The following ADAMTSL1 variants were observed in gnomAD, a reference collection of about 807,000 sequenced individuals.
The protein encoded by ADAMTSL1 is ADAMTS like 1.
In ADAMTSL1, 126 loss-of-function variants were observed where a neutral mutation model predicts 201.8. The observed-to-expected ratio is 0.62, with a 90% CI of 0.54 to 0.72. The LOEUF (loss-of-function observed/expected upper bound fraction) is 0.72. ADAMTSL1 is among the 30% of genes least tolerant of loss of function. ADAMTSL1 has a pLI of 0.00. For synonymous variants in ADAMTSL1, 1,121 were observed against 903.4 expected, an observed-to-expected ratio of 1.24 and a Z score of -4.32; for missense variants, 2,679 against 2,277.8, an observed-to-expected ratio of 1.18 and a Z score of -3.59.
chr9:18,489,995 A>G (rs570314860), intron 1 of ADAMTSL1, among the ~76,000 whole-genome samples: 3 of 152,216 alleles, frequency 2.0e-5, no homozygotes, highest in Non-Finnish European at 4.4e-5. Context: ...TGAAAACTGT[A>G]AAACCTTAGT....
At chr9:18,053,754 A>G (rs1390918532) in intron 1 of ADAMTSL1, among the ~76,000 whole-genome samples, 1 of 152,218 alleles carries the variant, frequency 6.6e-6, no homozygotes, top group Non-Finnish European at 1.5e-5. Context: ...CTCCGAGTTT[A>G]CTGAGCACTC....
At chr9:18,449,397 G>T (rs1398159246) in intron 2 of ADAMTSL1, among the ~76,000 whole-genome samples, 1 of 151,854 alleles carries the variant, frequency 6.6e-6, no homozygotes, top group Non-Finnish European at 1.5e-5. Context: ...TTTCTTTCTG[G>T]AATGTATAAT....
rs910772495 is a variant in ADAMTSL1, at chr9:18,579,627, A to G, written c.474+5361A>G. ...TAGAGCCTTTCTGAGTACATGATTT[A>G]ATATGGGTACACATACGAAAGGGGC... On this transcript the variant is annotated intron_variant, in intron 4 of 28. Coordinates refer to ENST00000380548, the MANE Select transcript of ADAMTSL1 (RefSeq NM_001040272.6). Among the ~76,000 whole-genome samples the G allele has an allele frequency of 4.6e-5, 7 of 152,292 alleles. No individual in the cohort carries two copies. In the South Asian group the frequency reaches 1.5e-3, roughly 32 times the overall value.
At chr9:18,205,310 A>G (rs1287944348) in intron 2 of ADAMTSL1, among the ~76,000 whole-genome samples, 1 of 152,186 alleles carries the variant, frequency 6.6e-6, no homozygotes, top group Admixed American at 6.5e-5. Flanking sequence ...AAGAGAAGAG[A>G]AGATCTAAGA....
At chr9:18,423,164 C>A (rs1210170215) in intron 2 of ADAMTSL1, among the ~76,000 whole-genome samples, 1 of 152,172 alleles carries the variant, frequency 6.6e-6, no homozygotes, top group South Asian at 2.1e-4. Context: ...AGGAACTAAC[C>A]TGGCTCTGAG....
chr9:18,245,465 A>AT (rs1831226013), intron 2 of ADAMTSL1, among the ~76,000 whole-genome samples: 1 of 152,122 alleles, frequency 6.6e-6, no homozygotes. Flanking sequence ...CTTACTGGGC[A>AT]TTGCAGGTCT....
chr9:18,566,226 C>T lies in ADAMTSL1; in HGVS notation c.238-7804C>T, dbSNP rs181618620. Among the ~76,000 whole-genome samples, 21 of 152,244 alleles carry T rather than the reference C, an allele frequency of 1.4e-4. 1 individual carries two copies. Among genetic ancestry groups the T allele is most frequent in the Admixed American group, 1.2e-3 (18 of 15,290 alleles). The stretch of plus-strand genomic sequence containing the variant: ...CAAATTCCTGCAAGACTTATGAAAG[C>T]AGCACTGGAGTTCCCACAATAAAAA... On this transcript the variant is annotated intron_variant, in intron 3 of 28. Transcript: ENST00000380548.
chr9:17,956,404 G>A (rs555210241), intron 1 of ADAMTSL1, among the ~76,000 whole-genome samples: 1 of 152,252 alleles, frequency 6.6e-6, no homozygotes, highest in Non-Finnish European at 1.5e-5. Context: ...CGGCAATATT[G>A]TTGGCAGTGT....
intron 2 of ADAMTSL1, among the ~76,000 whole-genome samples, chr9:18,275,823 T>C (rs945885389): frequency 6.6e-6 from 1 of 152,140 alleles, no homozygotes; most frequent in Non-Finnish European, 1.5e-5. Flanking sequence ...TATTACATAC[T>C]TGTGTGCAGG....
chr9:18,179,830 G>A (rs1321156619), intron 2 of ADAMTSL1, among the ~76,000 whole-genome samples: 2 of 152,000 alleles, frequency 1.3e-5, no homozygotes, highest in Non-Finnish European at 2.9e-5. Flanking sequence ...AATGCTGAGA[G>A]ATTTTGTCAC....
chr9:18,359,831 C>G (rs1836431399), intron 2 of ADAMTSL1, among the ~76,000 whole-genome samples: 1 of 116,218 alleles, frequency 8.6e-6, no homozygotes, highest in African/African-American at 3.2e-5. Context: ...CCACCCGCCC[C>G]CCCGCCCACA....
chr9:18,143,195 A>C (rs567147699), intron 1 of ADAMTSL1, among the ~76,000 whole-genome samples: 1 of 152,270 alleles, frequency 6.6e-6, no homozygotes, highest in East Asian at 1.9e-4. Context: ...GCCAGAGGAC[A>C]CACTCATTTT....
At chr9:18,884,135 T>A (rs1428533081) in intron 23 of ADAMTSL1, among the ~76,000 whole-genome samples, 2 of 152,206 alleles carry the variant, frequency 1.3e-5, no homozygotes, top group East Asian at 3.8e-4. Flanking sequence ...TGGTAACTCA[T>A]GGTGGCTTTA....
rs190075285 is a variant in ADAMTSL1, at chr9:18,129,966, G to T, written c.88-33896G>T. ...CTGCACTTGTTACTCTGAGCTGCCCGCTGCCAGCCTACATCAGTCGCATGC... is the reference window on the plus strand; with the variant it reads ...CTGCACTTGTTACTCTGAGCTGCCCTCTGCCAGCCTACATCAGTCGCATGC... On this transcript the variant is annotated intron_variant, in intron 1 of 29. Coordinates refer to the ADAMTSL1 transcript ENST00000680146. 3.9e-4 allele frequency among the ~76,000 whole-genome samples: 60 copies of T among 152,262 alleles called. 1 individual carries two copies. The highest frequency in any genetic ancestry group is 3.2e-4 in the Non-Finnish European group (22 of 68,024).
At chr9:18,765,986 T>C (rs1327708936) in intron 16 of ADAMTSL1, among the ~76,000 whole-genome samples, 1 of 151,896 alleles carries the variant, frequency 6.6e-6, no homozygotes, top group Non-Finnish European at 1.5e-5. Flanking sequence ...ATGGTGCAGG[T>C]AGAGAGAACA....
chr9:18,902,507 TCAGTCAGAAAAGAAATAACAAGG>T (rs1465399072), intron 26 of ADAMTSL1, among the ~76,000 whole-genome samples: 1 of 69,060 alleles, frequency 1.4e-5, no homozygotes. Context: ...AAACAGTAAA[TCAGTCAGAAAAGAAATAACAAGG>T]AAAATTAGAA....
At chr9:18,149,615 C>T (rs1385330304) in intron 1 of ADAMTSL1, among the ~76,000 whole-genome samples, 1 of 151,964 alleles carries the variant, frequency 6.6e-6, no homozygotes, top group Admixed American at 6.6e-5. Context: ...ATGAGATTCC[C>T]CATTGACATA....
chr9:18,245,408 CT>C (rs1831222626), intron 2 of ADAMTSL1, among the ~76,000 whole-genome samples: 1 of 152,080 alleles, frequency 6.6e-6, no homozygotes, highest in South Asian at 2.1e-4. Flanking sequence ...TCAGTTTGGA[CT>C]AGTCGTATTT....
chr9:18,908,961 G>A lies in ADAMTSL1; in HGVS notation c.*413G>A, dbSNP rs80036246. ...AAATTCCTGTGTCTTTCCTAGAAGC[G>A]CACTATCACAAACACAGGAGTGTTT... On this transcript the variant is annotated 3_prime_UTR_variant, in exon 29 of 29. Coordinates refer to ENST00000380548, the MANE Select transcript of ADAMTSL1 (RefSeq NM_001040272.6). 4,254 of 169,654 alleles carry A rather than the reference G, an allele frequency of 0.025. 154 individuals are homozygous for A. The highest frequency in any genetic ancestry group is 0.084 in the African/African-American group (3,508 of 41,710). The allele number at this position is 169,654 out of a possible 1,614,324, so 10.5% of individuals were successfully genotyped here.
Sources: allele counts gnomAD v4.1 joint callset (sites outside exome capture counted in the v4.1 genomes callset), GRCh38; gene constraint gnomAD v4.1.1; transcripts MANE v1.5; gene names NCBI Gene and HGNC (gene_info 2026-07-23, HGNC 2026-07-21).